NCOR2: variants seen among roughly 807,000 people sequenced by gnomAD.
NCOR2 encodes CTG repeat protein 26.
In NCOR2, 81 loss-of-function variants were observed where a neutral mutation model predicts 262.9. That is an observed-to-expected ratio of 0.31 (90% confidence interval 0.26 to 0.37). The LOEUF (loss-of-function observed/expected upper bound fraction) is 0.37. NCOR2 is among the 10% of genes least tolerant of loss of function. The pLI, the probability that NCOR2 is intolerant of heterozygous loss-of-function variation, is 1.00. For synonymous variants in NCOR2, 1,659 were observed against 1,559.3 expected (o/e 1.06, Z -1.51); for missense variants, 3,385 against 3,621.4 (o/e 0.93, Z 1.68).
Position 124,523,611 on chromosome 12 carries a change from C to T in NCOR2, c.-118+11954G>A, listed in dbSNP as rs1164456307. Among the ~76,000 whole-genome samples the T allele has an allele frequency of 6.8e-6, 1 of 147,056 alleles. No individual in the cohort carries two copies. The highest frequency in any genetic ancestry group is 1.5e-5 in the Non-Finnish European group (1 of 67,208). On this transcript the variant is annotated intron_variant, in intron 1 of 46. Coordinates refer to the NCOR2 transcript ENST00000404621. The surrounding 1 kb of genome is among the most constrained non-coding windows in gnomAD (Gnocchi z 4.0). ...GAACTGTCTCGGATCACACATAACA[C>T]TAACACTAACCATAGCTGATGAACT...
At chr12:124,358,728 C>T (rs2135942253) in intron 22 of NCOR2, among the ~76,000 whole-genome samples, 1 of 152,354 alleles carries the variant, frequency 6.6e-6, no homozygotes, top group South Asian at 2.1e-4. Flanking sequence ...CGCTGGCTGG[C>T]TGAGAAGCCA....
intron 43 of NCOR2, chr12:124,331,961 A>G (rs544520377): frequency 4.0e-6 from 1 of 253,050 alleles, no homozygotes; most frequent in Non-Finnish European, 7.8e-6. Flanking sequence ...ATACCCAGCA[A>G]CCACGTCAAT....
At chr12:124,342,804 T>C (rs556406905) in intron 33 of NCOR2, among the ~76,000 whole-genome samples, 28 of 152,358 alleles carry the variant, frequency 1.8e-4, no homozygotes, top group Middle Eastern at 6.8e-3. Flanking sequence ...TAACCCCACA[T>C]GTCCTGCAAA....
chr12:124,336,125 CT>C, intron 38 of NCOR2: 1 of 163,658 alleles, frequency 6.1e-6, no homozygotes, highest in Non-Finnish European at 1.3e-5. Flanking sequence ...GAGGGCTCCC[CT>C]TTTTCTGGGG....
chr12:124,345,872 C>T (rs1280308314), intron 31 of NCOR2, among the ~76,000 whole-genome samples: 8 of 152,204 alleles, frequency 5.3e-5, no homozygotes, highest in Admixed American at 5.2e-4. Context: ...CATTCTCCTT[C>T]CCCTTCACAA....
chr12:124,370,193 C>T (rs181495448), intron 20 of NCOR2, among the ~76,000 whole-genome samples: 20 of 152,336 alleles, frequency 1.3e-4, no homozygotes, highest in Admixed American at 2.0e-4. Context: ...CTGGGACTGT[C>T]GGGCAAGAAG....
exon 4 of NCOR2, chr12:124,473,052 G>C: frequency 6.2e-7 from 1 of 1,614,114 alleles, no homozygotes; most frequent in Non-Finnish European, 8.5e-7. Flanking sequence ...CAGCCGTGGC[G>C]GCACCAGCTC....
Position 124,437,920 on chromosome 12 carries a change from G to A in NCOR2, c.882+10C>T. On this transcript the variant is annotated intron_variant, in intron 8 of 46. Transcript: ENST00000405201. ...AAGGAAAGCTGATGGGGGCCACGGT[G>A]TGGACTTACCCATTGTTTCCGAGCG... 1.2e-6 allele frequency: 2 copies of A among 1,610,380 alleles called. No homozygotes were observed. The highest frequency in any genetic ancestry group is 1.7e-6 in the Non-Finnish European group (2 of 1,178,136).
intron 17 of NCOR2, chr12:124,383,551 G>T: frequency 2.0e-6 from 1 of 498,242 alleles, no homozygotes; most frequent in South Asian, 8.4e-5. Flanking sequence ...AAAAAAGAGG[G>T]GGCCTCAGGT....
intron 17 of NCOR2, among the ~76,000 whole-genome samples, chr12:124,380,657 C>T (rs1394078148): frequency 6.6e-6 from 1 of 152,168 alleles, no homozygotes; most frequent in East Asian, 1.9e-4. Context: ...AGACTCAGGG[C>T]TGGGTGCCCT....
intron 37 of NCOR2, 95 bp downstream of exon 39, chr12:124,339,911 C>CCAAAAA: frequency 9.2e-6 from 10 of 1,090,162 alleles, no homozygotes; most frequent in East Asian, 5.2e-5. Flanking sequence ...ACCCACCTCC[C>CCAAAAA]ATATACCTCC....
At chr12:124,349,250 T>C (rs973574856) in intron 28 of NCOR2, among the ~76,000 whole-genome samples, 2 of 152,160 alleles carry the variant, frequency 1.3e-5, no homozygotes, top group African/African-American at 4.8e-5. Context: ...GCTTTGCCCA[T>C]CTAGCCAGGG....
intron 1 of NCOR2, among the ~76,000 whole-genome samples, chr12:124,488,983 T>G (rs2136850605): frequency 6.6e-6 from 1 of 151,840 alleles, no homozygotes; most frequent in South Asian, 2.1e-4. Flanking sequence ...TCTGTGGGCA[T>G]TTTGTTACTG....
chr12:124,373,911 C>T lies in NCOR2; in HGVS notation c.2218+502G>A, dbSNP rs2660377. Among the ~76,000 whole-genome samples the T allele has an allele frequency of 9.5e-5, 11 of 116,048 alleles. 1 individual carries two copies. The highest frequency in any genetic ancestry group is 3.8e-4 in the African/African-American group (11 of 28,902). 76.1% of individuals were successfully genotyped at this position (116,048 alleles called of 152,430 possible). ...AACGAGGCCAGTGCGTGTGCAGGGG[C>T]CCCGGGCACAGCCCACACCAACGGC... On this transcript the variant is annotated intron_variant, in intron 19 of 46. Transcript: ENST00000405201.
rs117801697 is a variant in NCOR2 at position 124,549,274 on chromosome 12, C to T, written c.-164-13663G>A. On this transcript the variant is annotated intron_variant, in intron 1 of 32. Transcript: ENST00000458234. The surrounding 1 kb of genome is among the most constrained non-coding windows in gnomAD (Gnocchi z 4.4). ...GGCAGGCACGCAGCTGAGGGGCTGGCGGTGGGAGGGGCAGGGCCGCGGCTG... is the reference window on the plus strand; with the variant it reads ...GGCAGGCACGCAGCTGAGGGGCTGGTGGTGGGAGGGGCAGGGCCGCGGCTG... Among the ~76,000 whole-genome samples, 2,134 of 152,040 alleles carry T rather than the reference C, an allele frequency of 0.014. 134 individuals are homozygous for T. In the East Asian group the frequency reaches 0.18, roughly 13 times the overall value.
intron 32 of NCOR2, 80 bp from the exon 35 acceptor site, chr12:124,343,306 A>T (rs1447763176): frequency 1.7e-6 from 2 of 1,192,430 alleles, no homozygotes; most frequent in African/African-American, 3.1e-5. Context: ...GGACCTCGGG[A>T]TCCCAAGGAC....
At chr12:124,332,067 C>A (rs944390117) in intron 43 of NCOR2, 2 of 501,242 alleles carry the variant, frequency 4.0e-6, no homozygotes, top group Non-Finnish European at 7.2e-6. Flanking sequence ...CAGGTATTCA[C>A]TGGGCACCTA....
At chr12:124,516,293 G>T (rs2049773847) in intron 1 of NCOR2, among the ~76,000 whole-genome samples, 1 of 152,194 alleles carries the variant, frequency 6.6e-6, no homozygotes, top group Non-Finnish European at 1.5e-5. Flanking sequence ...CAGTCCCCAG[G>T]CCACACCAGG....
At chr12:124,341,458 C>T (rs1342254584) in intron 34 of NCOR2, among the ~76,000 whole-genome samples, 6 of 152,154 alleles carry the variant, frequency 3.9e-5, no homozygotes, top group African/African-American at 9.7e-5. Context: ...AGACTGGTCT[C>T]GAACTTCTGA....
Sources: allele counts gnomAD v4.1 joint callset (sites outside exome capture counted in the v4.1 genomes callset), GRCh38; gene constraint gnomAD v4.1.1; non-coding constraint Gnocchi (gnomAD v3.1); transcripts MANE v1.5; gene names NCBI Gene and HGNC (gene_info 2026-07-23, HGNC 2026-07-21).